SGMS1: variants seen among roughly 807,000 people sequenced by gnomAD.
SGMS1 encodes phosphatidylcholine:ceramide cholinephosphotransferase 1.
Under a neutral mutation model 46.2 loss-of-function variants are expected in SGMS1, and 13 were observed. That is an observed-to-expected ratio of 0.28 (90% CI 0.18 to 0.45). The LOEUF (loss-of-function observed/expected upper bound fraction) is 0.45. Among genes scored for constraint, SGMS1 ranks in the 20% least tolerant of loss-of-function variants. The probability of loss-of-function intolerance (pLI) is 1.00; values close to 1 mark genes in which losing one functional copy is unlikely to be tolerated. For missense variants in SGMS1, 324 were observed against 519.9 expected (o/e 0.62, Z 3.66); for synonymous variants, 203 against 187.8 (o/e 1.08, Z -0.66).
At chr10:50,418,059 C>G (rs1218491695) in intron 6 of SGMS1, 1 of 152,262 alleles carries the variant, frequency 6.6e-6, no homozygotes, top group Non-Finnish European at 1.5e-5. Context: ...CGGAGCAACA[C>G]TTACGGTCTC....
intron 5 of SGMS1, among the ~76,000 whole-genome samples, chr10:50,450,838 T>C (rs2133660442): frequency 6.6e-6 from 1 of 152,048 alleles, no homozygotes; most frequent in South Asian, 2.1e-4. Flanking sequence ...TCAACTTAAA[T>C]TTATTCAATT....
intron 1 of SGMS1, among the ~76,000 whole-genome samples, chr10:50,613,939 G>A (rs1838773535): frequency 6.6e-6 from 1 of 152,160 alleles, no homozygotes; most frequent in African/African-American, 2.4e-5. Context: ...GCAGCTGGAG[G>A]AAAGCTGTAC....
At chr10:50,367,565 T>C (rs1848366308) in intron 6 of SGMS1, among the ~76,000 whole-genome samples, 2 of 152,100 alleles carry the variant, frequency 1.3e-5, no homozygotes, top group South Asian at 4.1e-4. Flanking sequence ...AAAAAAAGAA[T>C]CAAAAGATTT....
At chr10:50,449,862 T>C (rs979560327) in intron 5 of SGMS1, among the ~76,000 whole-genome samples, 2 of 152,100 alleles carry the variant, frequency 1.3e-5, no homozygotes, top group African/African-American at 4.8e-5. Context: ...TTGTTCTTTT[T>C]TTTTTCTACT....
At chr10:50,455,160 T>C (rs12255967) in intron 5 of SGMS1, among the ~76,000 whole-genome samples, 4,274 of 152,276 alleles carry the variant, frequency 0.028, 83 homozygotes, top group East Asian at 0.059. Flanking sequence ...TGAATGGCTA[T>C]ACCCAGGGCT....
At chr10:50,616,247 A>G (rs537939129) in intron 1 of SGMS1, among the ~76,000 whole-genome samples, 2 of 152,166 alleles carry the variant, frequency 1.3e-5, no homozygotes, top group East Asian at 1.9e-4. Flanking sequence ...CCCCGCCCCA[A>G]GTAGCTGGGA....
chr10:50,596,483 T>G (rs1238870129), intron 1 of SGMS1, among the ~76,000 whole-genome samples: 1 of 152,256 alleles, frequency 6.6e-6, no homozygotes, highest in Admixed American at 6.5e-5. Context: ...CAGCCCAATT[T>G]CTTTTTTACT....
intron 8 of SGMS1, among the ~76,000 whole-genome samples, chr10:50,324,025 A>G (rs888050271): frequency 4.6e-5 from 7 of 152,224 alleles, no homozygotes; most frequent in African/African-American, 1.7e-4. Flanking sequence ...TGTTTGTTAA[A>G]TCAGTTCTCA....
At chr10:50,453,936 C>T (rs1268206875) in intron 5 of SGMS1, among the ~76,000 whole-genome samples, 1 of 146,652 alleles carries the variant, frequency 6.8e-6, no homozygotes, top group East Asian at 2.1e-4. Flanking sequence ...AGTTTCCCCA[C>T]TTAGATATAA....
At chr10:50,490,446 G>C (rs1256330483) in intron 3 of SGMS1, among the ~76,000 whole-genome samples, 1 of 152,176 alleles carries the variant, frequency 6.6e-6, no homozygotes, top group Non-Finnish European at 1.5e-5. Flanking sequence ...CATTTAGTGG[G>C]TGGGTCCAAG....
At chr10:50,396,346 C>T (rs147100426) in intron 6 of SGMS1, among the ~76,000 whole-genome samples, 79 of 152,250 alleles carry the variant, frequency 5.2e-4, no homozygotes, top group African/African-American at 1.9e-3. Flanking sequence ...CAAAAGTCAA[C>T]CCACACAGTA....
At chr10:50,585,239 A>G in intron 2 of SGMS1, among the ~76,000 whole-genome samples, 1 of 152,214 alleles carries the variant, frequency 6.6e-6, no homozygotes, top group East Asian at 1.9e-4. Context: ...ATTGAGGTTT[A>G]TTATTAAAGT....
At chr10:50,486,839 T>G (rs191453478) in intron 3 of SGMS1, among the ~76,000 whole-genome samples, 1 of 152,324 alleles carries the variant, frequency 6.6e-6, no homozygotes, top group African/African-American at 2.4e-5. Context: ...AATCATTCTA[T>G]TATAAAGATA....
intron 6 of SGMS1, among the ~76,000 whole-genome samples, chr10:50,364,029 A>G (rs1203765752): frequency 1.3e-5 from 2 of 152,078 alleles, no homozygotes. Flanking sequence ...AAGGAGAGAG[A>G]ATTTTAAAAA....
intron 5 of SGMS1, among the ~76,000 whole-genome samples, chr10:50,455,757 A>G (rs1360522281): frequency 6.6e-6 from 1 of 152,188 alleles, no homozygotes; most frequent in Non-Finnish European, 1.5e-5. Context: ...AATTTCATAC[A>G]CCACATCACT....
chr10:50,322,029 T>C (rs1026897957), intron 8 of SGMS1, among the ~76,000 whole-genome samples: 1 of 152,238 alleles, frequency 6.6e-6, no homozygotes, highest in Admixed American at 6.5e-5. Context: ...ATTTGTATTA[T>C]ATTGATCCAC....
At chr10:50,492,720 C>T (rs1249158485) in intron 3 of SGMS1, among the ~76,000 whole-genome samples, 1 of 152,138 alleles carries the variant, frequency 6.6e-6, no homozygotes, top group Non-Finnish European at 1.5e-5. Flanking sequence ...GTTATAATGG[C>T]CATACTGCCC....
intron 8 of SGMS1, among the ~76,000 whole-genome samples, chr10:50,321,183 G>T (rs1242147154): frequency 6.6e-6 from 1 of 152,120 alleles, no homozygotes; most frequent in Non-Finnish European, 1.5e-5. Context: ...ATACAATAAT[G>T]TAAAAATTCA....
chr10:50,485,942 A>C (rs1012097769), intron 3 of SGMS1, among the ~76,000 whole-genome samples: 6 of 152,132 alleles, frequency 3.9e-5, no homozygotes, highest in Non-Finnish European at 7.4e-5. Context: ...GAGGCATCAC[A>C]CTGCCCAACT....
Sources: gnomAD v4.1 joint callset for allele counts (sites outside exome capture counted in the v4.1 genomes callset) on GRCh38, gnomAD v4.1.1 for gene constraint, MANE v1.5 for transcripts, NCBI Gene and HGNC (gene_info 2026-07-23, HGNC 2026-07-21) for gene names.